Variants in MAP3K7 observed in about 807,000 individuals in gnomAD.
MAP3K7 encodes mitogen-activated protein kinase kinase kinase 7.
In MAP3K7, 21 loss-of-function variants were observed where a neutral mutation model predicts 84.8. The ratio of observed to expected loss-of-function variants is 0.25; its 90% CI spans 0.18 to 0.36. MAP3K7 has a LOEUF of 0.36. MAP3K7 is among the 10% of genes least tolerant of loss of function. MAP3K7 has a pLI of 1.00. For missense variants in MAP3K7, 503 were observed against 747.7 expected, an observed-to-expected ratio of 0.67 and a Z score of 3.82; for synonymous variants, 241 against 247.7, an observed-to-expected ratio of 0.97 and a Z score of 0.25.
At chr6:90,580,912 T>TC (rs1248616506) in intron 1 of MAP3K7, among the ~76,000 whole-genome samples, 1 of 152,222 alleles carries the variant, frequency 6.6e-6, no homozygotes, top group Non-Finnish European at 1.5e-5. Context: ...TAAGCATTTC[T>TC]CCCCCTATGG....
At chr6:90,586,576 T>C (rs1777463632) in intron 1 of MAP3K7, among the ~76,000 whole-genome samples, 188 bp downstream of exon 1, 1 of 152,110 alleles carries the variant, frequency 6.6e-6, no homozygotes, top group South Asian at 2.1e-4. Context: ...AGGCAGCTAC[T>C]CCCGAGCAGT....
At chr6:90,582,498 A>G (rs1013132240) in intron 1 of MAP3K7, among the ~76,000 whole-genome samples, 19 of 152,188 alleles carry the variant, frequency 1.2e-4, no homozygotes, top group African/African-American at 3.4e-4. Context: ...AGAAATGACA[A>G]AAGATCTAGG....
At chr6:90,550,683 A>G (rs1776153430) in intron 8 of MAP3K7, 134 bp from the exon 9 acceptor site, 1 of 554,804 alleles carries the variant, frequency 1.8e-6, no homozygotes, top group Non-Finnish European at 3.1e-6. Flanking sequence ...AGATTACAAT[A>G]ATGTACTCTT....
At chr6:90,527,422 A>G (rs1259871255) in intron 13 of MAP3K7, among the ~76,000 whole-genome samples, 1 of 151,642 alleles carries the variant, frequency 6.6e-6, no homozygotes, top group Non-Finnish European at 1.5e-5. Flanking sequence ...GGCACCATGC[A>G]TGGCTAATTT....
intron 3 of MAP3K7, among the ~76,000 whole-genome samples, chr6:90,562,902 A>G (rs1325757853): frequency 6.6e-6 from 1 of 152,092 alleles, no homozygotes; most frequent in African/African-American, 2.4e-5. Flanking sequence ...AAGCAGCAAC[A>G]TTTGCTGTTC....
chr6:90,515,144 C>T lies in MAP3K7; in HGVS notation c.*1357G>A, dbSNP rs750208093. ...AGTCATGATAGAATTCTAATAATCA[C>T]AGCAATTAATGCTTTCATTTTGAAC... On this transcript the variant is annotated 3_prime_UTR_variant, in exon 17 of 17. Coordinates refer to ENST00000369329, the MANE Select transcript of MAP3K7 (RefSeq NM_145331.3). 6.6e-6 allele frequency: 1 copy of T among 151,970 alleles called. No individual in the cohort carries two copies. The highest frequency in any genetic ancestry group is 1.5e-5 in the Non-Finnish European group (1 of 67,906). 9.4% of individuals were successfully genotyped at this position (151,970 alleles called of 1,614,324 possible). A position where few individuals can be genotyped will look rare whatever the true frequency, so the allele number is the denominator to read the frequency against.
chr6:90,529,184 T>C (rs1775418771), intron 13 of MAP3K7, among the ~76,000 whole-genome samples: 1 of 152,212 alleles, frequency 6.6e-6, no homozygotes, highest in Non-Finnish European at 1.5e-5. Flanking sequence ...ATCAGCAGGT[T>C]TACCTTGCCC....
intron 13 of MAP3K7, among the ~76,000 whole-genome samples, chr6:90,525,083 A>G (rs963085565): frequency 2.0e-5 from 3 of 152,122 alleles, no homozygotes; most frequent in Admixed American, 1.3e-4. Context: ...ATAAATGTAA[A>G]TGAATTACTC....
chr6:90,581,444 G>A (rs1777269013), intron 1 of MAP3K7, among the ~76,000 whole-genome samples: 1 of 152,142 alleles, frequency 6.6e-6, no homozygotes, highest in South Asian at 2.1e-4. Context: ...CTCCAACTAT[G>A]TTAGAACTTC....
intron 13 of MAP3K7, among the ~76,000 whole-genome samples, chr6:90,532,149 C>T (rs1775528905): frequency 6.6e-6 from 1 of 152,022 alleles, no homozygotes; most frequent in Non-Finnish European, 1.5e-5. Context: ...TAAATAATAA[C>T]AATGTATATT....
chr6:90,583,030 G>T (rs533878575), intron 1 of MAP3K7, among the ~76,000 whole-genome samples: 17 of 151,914 alleles, frequency 1.1e-4, no homozygotes, highest in Non-Finnish European at 2.2e-4. Flanking sequence ...TTACAGGCCT[G>T]TGCCACCACA....
rs750549135 is a variant in MAP3K7, at chr6:90,571,826, C to CA, written c.121-20dup. 16 of 1,419,240 alleles carry CA rather than the reference C, an allele frequency of 1.1e-5. No individual in the cohort carries two copies. The South Asian group carries it at 1.7e-4, about 15-fold the overall frequency. 87.9% of individuals were successfully genotyped at this position (1,419,240 alleles called of 1,614,324 possible). On this transcript the variant is annotated intron_variant, in intron 1 of 16. Transcript: ENST00000369329. ...CAACAACCTGAGTTAAACAAACAAA[C>CA]AAAAAACAAACAAAAAACACCACAA...
intron 1 of MAP3K7, among the ~76,000 whole-genome samples, chr6:90,579,748 T>C (rs575935606): frequency 6.6e-6 from 1 of 152,332 alleles, no homozygotes; most frequent in African/African-American, 2.4e-5. Flanking sequence ...ACTTGAGCCA[T>C]GATCAAATGA....
At chr6:90,519,629 T>C (rs1775083018) in intron 14 of MAP3K7, among the ~76,000 whole-genome samples, 1 of 152,020 alleles carries the variant, frequency 6.6e-6, no homozygotes, top group Admixed American at 6.6e-5. Flanking sequence ...GAGACCTTTA[T>C]ATTTTAAATT....
chr6:90,556,126 A>G (rs1306483229), intron 6 of MAP3K7, among the ~76,000 whole-genome samples: 2 of 152,350 alleles, frequency 1.3e-5, no homozygotes, highest in East Asian at 3.9e-4. Context: ...GCGTTAGATG[A>G]CTCAAAATTT....
Position 90,546,390 on chromosome 6 carries a change from G to A in MAP3K7, c.1210+868C>T, listed in dbSNP as rs570669501. The stretch of plus-strand genomic sequence containing the variant: ...ATATATACATTTATACACATACATA[G>A]TTAAAAGATGGGGTAAATACACAAA... On this transcript the variant is annotated intron_variant, in intron 11 of 16. Coordinates refer to ENST00000369329, the MANE Select transcript of MAP3K7 (RefSeq NM_145331.3). Among the ~76,000 whole-genome samples, 3 of 152,272 alleles carry A rather than the reference G, an allele frequency of 2.0e-5. No homozygotes were observed. In the South Asian group the frequency reaches 6.2e-4, roughly 32 times the overall value.
chr6:90,552,052 C>T lies in MAP3K7; in HGVS notation c.864G>A (p.Met288Ile), dbSNP rs759853469. ...EEIVKIMTHLMRYFPGADEPL... is the reference protein window; with the variant it reads ...EEIVKIMTHLIRYFPGADEPL... ...CCCCTCAAAAGAAGGATTATACCCG[C>T]ATCAAGTGAGTCATTATTTTCACAA... Residue 288 changes from methionine (M) to isoleucine (I), a missense_variant, in exon 8 of 17, where the codon ATG (methionine) becomes ATA (isoleucine). Around this residue, in one of 5 missense-constraint regions of MAP3K7, gnomAD observed 286 missense variants for 313.6 expected, o/e 0.91. Coordinates refer to ENST00000369329, the MANE Select transcript of MAP3K7 (RefSeq NM_145331.3). 1.2e-6 allele frequency: 2 copies of T among 1,609,564 alleles called. No homozygotes were observed. Among genetic ancestry groups the T allele is most frequent in the Non-Finnish European group, 1.7e-6 (2 of 1,176,520 alleles).
In MAP3K7 at chr6:90,527,913, C is replaced by G. The variant is rs1483186700; in HGVS notation, c.1357-4130G>C. ...TTTTTTTTTGAGACGGAGTCTCGCTCTGTCGCCCAGGCTGGAGTGCAGTGG... is the reference window on the plus strand; with the variant it reads ...TTTTTTTTTGAGACGGAGTCTCGCTGTGTCGCCCAGGCTGGAGTGCAGTGG... On this transcript the variant is annotated intron_variant, in intron 13 of 16. Coordinates refer to ENST00000369329, the MANE Select transcript of MAP3K7 (RefSeq NM_145331.3). Among the ~76,000 whole-genome samples the G allele has an allele frequency of 7.8e-4, 7 of 8,944 alleles. 2 individuals carry two copies. The South Asian group carries it at 0.025, about 32-fold the overall frequency. 5.9% of individuals were successfully genotyped at this position (8,944 alleles called of 152,430 possible).
chr6:90,560,292 G>A (rs1776467097), intron 4 of MAP3K7, 78 bp from the exon 5 acceptor site: 2 of 1,447,370 alleles, frequency 1.4e-6, no homozygotes, highest in Non-Finnish European at 1.9e-6. Context: ...AGCACTATCA[G>A]AACACATGAC....
Sources: allele counts gnomAD v4.1 joint callset (sites outside exome capture counted in the v4.1 genomes callset), GRCh38; gene constraint gnomAD v4.1.1; regional missense constraint gnomAD v4.1.1; transcripts MANE v1.5; gene names NCBI Gene and HGNC (gene_info 2026-07-23, HGNC 2026-07-21).